Variants in MYO3B observed in about 807,000 individuals in gnomAD.
MYO3B encodes the protein myosin-IIIb.
MYO3B carries 156 observed loss-of-function variants against 174.6 expected under a neutral mutation model. The ratio of observed to expected loss-of-function variants is 0.89; its 90% CI spans 0.78 to 1.02. The LOEUF (loss-of-function observed/expected upper bound fraction) is 1.02, where lower values mean the gene tolerates loss of function less well. Ranked by LOEUF, MYO3B falls within the 50% of genes least tolerant of loss-of-function variation. The pLI is 0.00. For synonymous variants in MYO3B, 563 were observed against 569.1 expected (o/e 0.99, Z 0.15); for missense variants, 1,632 against 1,639.4 (o/e 1.00, Z 0.08).
At position 170,369,281 on chromosome 2, in the gene MYO3B, T is replaced by G; in HGVS notation, c.875T>G (p.Phe292Cys). 1 of 1,613,820 alleles carries G rather than the reference T, an allele frequency of 6.2e-7. No homozygotes were observed. Among genetic ancestry groups the G allele is most frequent in the South Asian group, 1.1e-5 (1 of 91,016 alleles). ...GTCACACATCTCCTTGACCACCCAT[T>G]TATTAAAGGAGTACATGGAAAAGTT... ...PSVTHLLDHPFIKGVHGKVLF... is the reference protein window; with the variant it reads ...PSVTHLLDHPCIKGVHGKVLF... Residue 292 changes from phenylalanine to cysteine, a missense_variant, in exon 9 of 35, where the codon TTT (phenylalanine) becomes TGT (cysteine). Coordinates refer to ENST00000408978, the MANE Select transcript of MYO3B (RefSeq NM_138995.5).
At chr2:170,477,727 C>G (rs1452647399) in intron 25 of MYO3B, among the ~76,000 whole-genome samples, 1 of 150,814 alleles carries the variant, frequency 6.6e-6, no homozygotes, top group East Asian at 1.9e-4. Context: ...CCTCCACCCT[C>G]AGCAGTTGTG....
chr2:170,631,767 A>G lies in MYO3B; in HGVS notation c.3734-19861A>G, dbSNP rs142608288. Among the ~76,000 whole-genome samples the G allele has an allele frequency of 1.9e-3, 287 of 152,316 alleles. 3 individuals are homozygous for G. Among genetic ancestry groups the G allele is most frequent in the African/African-American group, 6.6e-3 (276 of 41,574 alleles). ...CCAATATTCAACATTCAATGTGCAG[A>G]GACACACACAGGCTCAAAATAAAGG... On this transcript the variant is annotated intron_variant, in intron 32 of 34. Coordinates refer to ENST00000408978, the MANE Select transcript of MYO3B (RefSeq NM_138995.5).
intron 22 of MYO3B, among the ~76,000 whole-genome samples, chr2:170,430,286 T>C (rs2094698657): frequency 6.6e-6 from 1 of 151,684 alleles, no homozygotes; most frequent in Non-Finnish European, 1.5e-5. Context: ...TTCAAAACTG[T>C]CCCCCTTACC....
At chr2:170,237,133 C>T (rs13398928) in intron 7 of MYO3B, among the ~76,000 whole-genome samples, 3,881 of 152,258 alleles carry the variant, frequency 0.025, 186 homozygotes, top group African/African-American at 0.089. Flanking sequence ...TTTCGAATCA[C>T]AAAAACAGGT....
At chr2:170,272,967 T>C (rs564003648) in intron 7 of MYO3B, among the ~76,000 whole-genome samples, 1 of 152,296 alleles carries the variant, frequency 6.6e-6, no homozygotes, top group East Asian at 1.9e-4. Context: ...ACTAAGATAG[T>C]AACCATTATG....
chr2:170,606,030 C>T (rs1694786553), intron 32 of MYO3B, among the ~76,000 whole-genome samples: 1 of 152,154 alleles, frequency 6.6e-6, no homozygotes, highest in South Asian at 2.1e-4. Flanking sequence ...TTCACTGCCA[C>T]AACCCTGGTC....
intron 30 of MYO3B, among the ~76,000 whole-genome samples, chr2:170,536,968 G>A (rs1167927290): frequency 1.3e-5 from 2 of 152,084 alleles, no homozygotes; most frequent in Non-Finnish European, 2.9e-5. Context: ...TTGGGAGTCT[G>A]AGGCAGGTGA....
At chr2:170,625,147 G>T (rs1301981625) in intron 32 of MYO3B, among the ~76,000 whole-genome samples, 1 of 152,208 alleles carries the variant, frequency 6.6e-6, no homozygotes, top group Non-Finnish European at 1.5e-5. Context: ...AATGGTACCA[G>T]CTCCTCCTTG....
chr2:170,522,880 C>A (rs1688772461), intron 30 of MYO3B, among the ~76,000 whole-genome samples: 1 of 152,170 alleles, frequency 6.6e-6, no homozygotes, highest in Non-Finnish European at 1.5e-5. Context: ...ACTCAAAGTG[C>A]TTTTTCACAA....
chr2:170,402,648 T>G (rs1412414419), intron 18 of MYO3B, among the ~76,000 whole-genome samples, 200 bp from the exon 19 acceptor site: 4 of 149,894 alleles, frequency 2.7e-5, no homozygotes, highest in Non-Finnish European at 1.5e-5. Context: ...AAAAAAGAAG[T>G]TGAAAATACT....
At chr2:170,594,591 A>G (rs979238735) in intron 32 of MYO3B, among the ~76,000 whole-genome samples, 1 of 152,202 alleles carries the variant, frequency 6.6e-6, no homozygotes, top group Non-Finnish European at 1.5e-5. Context: ...AGAGAGGAAC[A>G]TGATGGCTAA....
In MYO3B at chr2:170,200,183, A is replaced by G. The variant is rs1240545541; in HGVS notation, c.220A>G (p.Ile74Val). ...MDEEIEAEYN[I>V]LQFLPNHPNV... Reference sequence around the variant, plus strand: ...TGAAGAAATTGAGGCAGAATACAACATTTTGCAGTTCCTTCCTAATCATCC... The same window carrying G: ...TGAAGAAATTGAGGCAGAATACAACGTTTTGCAGTTCCTTCCTAATCATCC... The change falls in exon 3 of 35, where the codon ATT becomes GTT. Residue 74 changes from isoleucine (I) to valine (V), a missense_variant. Transcript: ENST00000408978. 5 of 1,613,236 alleles carry G rather than the reference A, an allele frequency of 3.1e-6. No individual in the cohort carries two copies. In the Admixed American group the frequency reaches 8.4e-5, roughly 27 times the overall value.
intron 7 of MYO3B, among the ~76,000 whole-genome samples, chr2:170,311,007 G>A (rs545050114): frequency 1.3e-5 from 2 of 152,230 alleles, no homozygotes; most frequent in East Asian, 1.9e-4. Flanking sequence ...AGATGGTTGC[G>A]GGGCCTTAGA....
At chr2:170,528,466 C>T (rs971650171) in intron 30 of MYO3B, among the ~76,000 whole-genome samples, 4 of 152,122 alleles carry the variant, frequency 2.6e-5, no homozygotes, top group East Asian at 1.9e-4. Context: ...AGTGCAGTGG[C>T]GCAATCTCAG....
At chr2:170,646,131 C>T (rs964258149) in intron 32 of MYO3B, among the ~76,000 whole-genome samples, 9 of 151,848 alleles carry the variant, frequency 5.9e-5, no homozygotes, top group Non-Finnish European at 8.8e-5. Context: ...ATTAGCCGGG[C>T]GTGGCGGCAC....
At chr2:170,465,134 A>G (rs1345294308) in intron 24 of MYO3B, among the ~76,000 whole-genome samples, 1 of 151,990 alleles carries the variant, frequency 6.6e-6, no homozygotes, top group African/African-American at 2.4e-5. Flanking sequence ...CGGCCTCCCA[A>G]AGTGCTAGGG....
chr2:170,400,402 CTTTTTT>C (rs10676575), intron 17 of MYO3B, 88 bp downstream of exon 17: 22 of 1,000,954 alleles, frequency 2.2e-5, no homozygotes, highest in African/African-American at 3.7e-5. Context: ...TTTGCTGGTC[CTTTTTT>C]TTTTTTTTTT....
chr2:170,268,922 A>G (rs1479530137), intron 7 of MYO3B, among the ~76,000 whole-genome samples: 1 of 152,246 alleles, frequency 6.6e-6, no homozygotes, highest in East Asian at 1.9e-4. Flanking sequence ...TCAAACCACT[A>G]TACATATAAA....
intron 27 of MYO3B, 97 bp from the exon 28 acceptor site, chr2:170,501,688 A>T: frequency 1.3e-6 from 1 of 747,268 alleles, no homozygotes; most frequent in Non-Finnish European, 2.3e-6. Context: ...AGGGAGGATG[A>T]GACGGGCAAT....
Sources: allele counts gnomAD v4.1 joint callset (sites outside exome capture counted in the v4.1 genomes callset), GRCh38; gene constraint gnomAD v4.1.1; transcripts MANE v1.5; gene names NCBI Gene and HGNC (gene_info 2026-07-23, HGNC 2026-07-21).